Variants in CACNA2D3 observed in about 807,000 individuals in gnomAD.
CACNA2D3 encodes voltage-dependent calcium channel subunit alpha-2/delta-3.
In CACNA2D3, 60 loss-of-function variants were observed where a neutral mutation model predicts 160.6. The observed-to-expected ratio is 0.37, with a 90% CI of 0.30 to 0.46. CACNA2D3 has a LOEUF of 0.46. Among genes scored for constraint, CACNA2D3 ranks in the 20% least tolerant of loss-of-function variants. The probability of loss-of-function intolerance (pLI) is 1.00; values close to 1 mark genes in which losing one functional copy is unlikely to be tolerated. For missense variants in CACNA2D3, 1,205 were observed against 1,365.0 expected (o/e 0.88, Z 1.85); for synonymous variants, 558 against 492.9 (o/e 1.13, Z -1.75).
chr3:54,258,742 G>T (rs1326359950), intron 2 of CACNA2D3, among the ~76,000 whole-genome samples: 3 of 152,094 alleles, frequency 2.0e-5, no homozygotes, highest in Non-Finnish European at 4.4e-5. Flanking sequence ...TTCTGTTTCT[G>T]CTTGGTCATG....
intron 2 of CACNA2D3, among the ~76,000 whole-genome samples, chr3:54,209,626 G>A (rs962609464): frequency 2.0e-5 from 3 of 152,186 alleles, no homozygotes; most frequent in Non-Finnish European, 4.4e-5. Context: ...GACAGGAGCC[G>A]TAGTCAGTAA....
At chr3:54,490,332 GCA>G (rs1298637780) in intron 4 of CACNA2D3, among the ~76,000 whole-genome samples, 9 of 118 alleles carry the variant, frequency 0.076, no homozygotes, top group Non-Finnish European at 0.2. Context: ...CCATCCCTGC[GCA>G]GCAGCAGGCT....
intron 2 of CACNA2D3, among the ~76,000 whole-genome samples, chr3:54,309,396 C>T (rs1446312776): frequency 2.6e-5 from 4 of 152,208 alleles, no homozygotes; most frequent in Admixed American, 6.5e-5. Flanking sequence ...GTCCAGTTGA[C>T]TCTGTTGAAC....
intron 5 of CACNA2D3, among the ~76,000 whole-genome samples, chr3:54,511,975 C>T (rs1701466570): frequency 6.6e-6 from 1 of 152,174 alleles, no homozygotes; most frequent in Non-Finnish European, 1.5e-5. Flanking sequence ...TGGTGGCAGT[C>T]AAGTATGTTC....
At chr3:54,892,369 A>G (rs923471006) in intron 25 of CACNA2D3, among the ~76,000 whole-genome samples, 16 of 152,058 alleles carry the variant, frequency 1.1e-4, no homozygotes, top group Admixed American at 4.6e-4. Flanking sequence ...TCAGGGGTCC[A>G]AGGAGGCGGT....
chr3:54,703,219 CT>C (rs1321256405), intron 11 of CACNA2D3, among the ~76,000 whole-genome samples: 4 of 151,706 alleles, frequency 2.6e-5, no homozygotes, highest in African/African-American at 9.7e-5. Flanking sequence ...CATGTACCCC[CT>C]GAACTTAAAT....
At chr3:54,635,643 A>G (rs935911785) in intron 10 of CACNA2D3, among the ~76,000 whole-genome samples, 7 of 152,090 alleles carry the variant, frequency 4.6e-5, no homozygotes, top group African/African-American at 1.7e-4. Flanking sequence ...AGGGAAAGTG[A>G]TAAAAGTATT....
intron 11 of CACNA2D3, among the ~76,000 whole-genome samples, chr3:54,721,253 A>G (rs1701164253): frequency 6.6e-6 from 1 of 152,188 alleles, no homozygotes; most frequent in Admixed American, 6.5e-5. Flanking sequence ...GATTATTGTC[A>G]TTTTAAATAG....
chr3:54,249,446 T>C (rs1702139487), intron 2 of CACNA2D3, among the ~76,000 whole-genome samples: 1 of 152,022 alleles, frequency 6.6e-6, no homozygotes, highest in Non-Finnish European at 1.5e-5. Context: ...GTCTTTGAAC[T>C]TTGTCTGCAC....
At chr3:54,142,432 C>T (rs1271125107) in intron 2 of CACNA2D3, among the ~76,000 whole-genome samples, 1 of 152,166 alleles carries the variant, frequency 6.6e-6, no homozygotes, top group African/African-American at 2.4e-5. Context: ...CTTATTCCAA[C>T]CTCCTCCTCT....
At chr3:54,873,369 T>C (rs138696072) in intron 18 of CACNA2D3, among the ~76,000 whole-genome samples, 4 of 151,558 alleles carry the variant, frequency 2.6e-5, no homozygotes, top group African/African-American at 9.8e-5. Context: ...CTCTTCCTTC[T>C]TCACTTTATC....
At chr3:54,285,896 CAG>C (rs1703009092) in intron 2 of CACNA2D3, among the ~76,000 whole-genome samples, 1 of 152,184 alleles carries the variant, frequency 6.6e-6, no homozygotes, top group Non-Finnish European at 1.5e-5. Flanking sequence ...AACTAACAAA[CAG>C]AAAGGACATC....
At chr3:55,021,691 A>ATGTG (rs1491085787) in intron 35 of CACNA2D3, among the ~76,000 whole-genome samples, 1 of 131,490 alleles carries the variant, frequency 7.6e-6, no homozygotes, top group African/African-American at 3.1e-5. Flanking sequence ...ATATATATAT[A>ATGTG]TGTGTGTATA....
Position 54,841,002 on chromosome 3 carries a change from A to G in CACNA2D3, c.1551+2354A>G, listed in dbSNP as rs578257455. ...CTCCCAAAGTGCTGGGATTACAGGC[A>G]TGAGCCACCGTGCCGGGCCCCAAGA... On this transcript the variant is annotated intron_variant, in intron 16 of 37. Coordinates refer to ENST00000474759, the MANE Select transcript of CACNA2D3 (RefSeq NM_018398.3). Among the ~76,000 whole-genome samples the G allele has an allele frequency of 5.8e-4, 88 of 151,966 alleles. 4 individuals are homozygous for G. The South Asian group carries it at 0.018, about 31-fold the overall frequency.
chr3:54,952,997 T>C (rs535844152), intron 27 of CACNA2D3, among the ~76,000 whole-genome samples: 1 of 152,166 alleles, frequency 6.6e-6, no homozygotes, highest in East Asian at 1.9e-4. Flanking sequence ...AGTGGATGGA[T>C]TGTTGAGCAG....
intron 35 of CACNA2D3, 32 bp from the exon 36 acceptor site, chr3:55,073,413 A>G (rs1222386542): frequency 6.5e-7 from 1 of 1,527,864 alleles, no homozygotes; most frequent in Non-Finnish European, 9.1e-7. Context: ...ACGGATGGTA[A>G]ATGACTGCCT....
chr3:54,696,388 C>G (rs1262951183), intron 11 of CACNA2D3, among the ~76,000 whole-genome samples: 1 of 152,174 alleles, frequency 6.6e-6, no homozygotes, highest in Non-Finnish European at 1.5e-5. Context: ...TTTTCAAATG[C>G]CTATGAGGTC....
chr3:54,507,409 T>A (rs966324432), intron 5 of CACNA2D3, among the ~76,000 whole-genome samples: 1 of 152,216 alleles, frequency 6.6e-6, no homozygotes, highest in African/African-American at 2.4e-5. Flanking sequence ...GAGCATGCAG[T>A]CTTTCCTTCT....
chr3:55,058,224 C>T (rs2107216763), intron 35 of CACNA2D3, among the ~76,000 whole-genome samples: 1 of 152,278 alleles, frequency 6.6e-6, no homozygotes, highest in South Asian at 2.1e-4. Flanking sequence ...TAGCAGACTA[C>T]ATGATTTGTT....
Sources: gnomAD v4.1 joint callset for allele counts (sites outside exome capture counted in the v4.1 genomes callset) on GRCh38, gnomAD v4.1.1 for gene constraint, MANE v1.5 for transcripts, NCBI Gene and HGNC (gene_info 2026-07-23, HGNC 2026-07-21) for gene names.